Variants in TMEM260 observed in about 807,000 individuals in gnomAD.
TMEM260 encodes the protein transmembrane protein 260, also known as protein O-mannosyl-transferase TMEM260.
In TMEM260, 82 loss-of-function variants were observed where a neutral mutation model predicts 88.9. That is an observed-to-expected ratio of 0.92 (90% CI 0.77 to 1.11). TMEM260 has a LOEUF of 1.11. Among genes scored for constraint, TMEM260 ranks in the 50% least tolerant of loss-of-function variants. TMEM260 has a pLI of 0.00. For missense variants in TMEM260, 902 were observed against 853.4 expected (o/e 1.06, Z -0.71); for synonymous variants, 314 against 309.3 (o/e 1.02, Z -0.16).
At chr14:56,607,720 A>ATG (rs1887001435) in intron 5 of TMEM260, among the ~76,000 whole-genome samples, 1 of 152,140 alleles carries the variant, frequency 6.6e-6, no homozygotes, top group Admixed American at 6.5e-5. Flanking sequence ...GTGTATATAT[A>ATG]TATGTATTTA....
At chr14:56,622,483 C>T (rs1887994737) in intron 11 of TMEM260, among the ~76,000 whole-genome samples, 1 of 151,780 alleles carries the variant, frequency 6.6e-6, no homozygotes, top group African/African-American at 2.4e-5. Context: ...GTAAACATTT[C>T]ACTCAAAATA....
intron 8 of TMEM260, among the ~76,000 whole-genome samples, chr14:56,616,512 C>T (rs556050857): frequency 1.1e-4 from 17 of 151,908 alleles, no homozygotes; most frequent in Non-Finnish European, 2.2e-4. Flanking sequence ...ACATTGTGAA[C>T]ATTTTCTCAT....
chr14:56,633,531 TC>T (rs1888787864), intron 13 of TMEM260: 1 of 160,018 alleles, frequency 6.2e-6, no homozygotes, highest in Admixed American at 6.1e-5. Context: ...TAAAAGGCAT[TC>T]TGTTGTTTAT....
intron 15 of TMEM260, among the ~76,000 whole-genome samples, chr14:56,644,553 A>G (rs1302039396): frequency 6.6e-6 from 1 of 152,234 alleles, no homozygotes; most frequent in African/African-American, 2.4e-5. Context: ...TAAAAACCCT[A>G]GAAAAACCTA....
At chr14:56,617,156 T>G in intron 8 of TMEM260, 27 bp from the exon 9 acceptor site, 1 of 1,327,160 alleles carries the variant, frequency 7.5e-7, no homozygotes, top group South Asian at 1.4e-5. Flanking sequence ...CTAAATATTT[T>G]AGACATATTT....
chr14:56,623,968 A>G (rs552221509), intron 11 of TMEM260, among the ~76,000 whole-genome samples: 2 of 152,336 alleles, frequency 1.3e-5, no homozygotes, highest in Admixed American at 6.5e-5. Context: ...AGAGTTAAGT[A>G]TGTGTTAAGT....
intron 3 of TMEM260, among the ~76,000 whole-genome samples, chr14:56,599,322 A>ATTTTT (rs1886427961): frequency 6.6e-6 from 1 of 152,156 alleles, no homozygotes; most frequent in African/African-American, 2.4e-5. Context: ...ATTTTATTTT[A>ATTTTT]TTATTATAAT....
chr14:56,639,300 A>C (rs1424896988), intron 15 of TMEM260, among the ~76,000 whole-genome samples: 1 of 141,190 alleles, frequency 7.1e-6, no homozygotes, highest in East Asian at 1.9e-4. Context: ...AAAAATAACT[A>C]AAAGAGTATA....
At chr14:56,607,398 T>TA (rs1163070165) in intron 5 of TMEM260, among the ~76,000 whole-genome samples, 1 of 152,168 alleles carries the variant, frequency 6.6e-6, no homozygotes, top group African/African-American at 2.4e-5. Flanking sequence ...TGTACTGAGG[T>TA]AAGCTACCAG....
Position 56,625,394 on chromosome 14 carries a change from G to T in TMEM260, c.1411G>T (p.Glu471Ter), listed in dbSNP as rs113277637. 3 of 1,613,116 alleles carry T rather than the reference G, an allele frequency of 1.9e-6. No homozygotes were observed. In the South Asian group the frequency reaches 3.3e-5, roughly 18 times the overall value. The change falls in exon 12 of 16, where the codon GAG becomes TAG. Residue 471 changes from glutamate to a stop codon, truncating the protein, a stop_gained. Coordinates refer to ENST00000261556, the MANE Select transcript of TMEM260 (RefSeq NM_017799.4). LOFTEE classifies it high-confidence loss of function. Reference protein sequence around the residue: ...SLVDQEMMTYEWYLPKMAKHL... With the variant: ...SLVDQEMMTY The stretch of plus-strand genomic sequence containing the variant: ...ACTTTTCTGGCAGATGATGACTTAC[G>T]AGTGGTATTTACCCAAGATGGCAAA...
At chr14:56,620,724 C>G (rs755338987) in intron 10 of TMEM260, among the ~76,000 whole-genome samples, 7 of 152,108 alleles carry the variant, frequency 4.6e-5, no homozygotes, top group African/African-American at 1.4e-4. Flanking sequence ...TTTTGTGATA[C>G]CCCAGATATT....
intron 9 of TMEM260, among the ~76,000 whole-genome samples, chr14:56,618,244 C>T (rs1380573280): frequency 4.6e-5 from 7 of 152,162 alleles, no homozygotes; most frequent in African/African-American, 1.4e-4. Flanking sequence ...AGAGACAGGC[C>T]AGGACAGTGG....
chr14:56,616,098 G>T, intron 8 of TMEM260, 71 bp downstream of exon 8: 3 of 1,129,702 alleles, frequency 2.7e-6, no homozygotes, highest in Non-Finnish European at 4.0e-6. Flanking sequence ...TCAGTATGTC[G>T]CTGTAGGACA....
intron 14 of TMEM260, among the ~76,000 whole-genome samples, chr14:56,635,488 A>G (rs1267732109): frequency 7.0e-6 from 1 of 143,766 alleles, no homozygotes; most frequent in Non-Finnish European, 1.5e-5. Flanking sequence ...AGATTGAAAT[A>G]TTAATCTGAT....
intron 12 of TMEM260, among the ~76,000 whole-genome samples, chr14:56,630,933 T>C (rs1380347890): frequency 1.3e-5 from 2 of 152,150 alleles, no homozygotes; most frequent in Non-Finnish European, 2.9e-5. Context: ...TTTGCAGTGC[T>C]ATTTGGATTA....
intron 6 of TMEM260, among the ~76,000 whole-genome samples, chr14:56,610,534 G>A (rs921918003): frequency 1.3e-5 from 2 of 152,090 alleles, no homozygotes; most frequent in South Asian, 2.1e-4. Flanking sequence ...GAGCCACCGC[G>A]CCCGGCCAGT....
chr14:56,585,260 A>C (rs1010463884), intron 2 of TMEM260, among the ~76,000 whole-genome samples: 1 of 152,130 alleles, frequency 6.6e-6, no homozygotes, highest in Non-Finnish European at 1.5e-5. Context: ...TTATCACCCC[A>C]AATTTTGTAT....
At chr14:56,626,117 A>G (rs1331185249) in intron 12 of TMEM260, among the ~76,000 whole-genome samples, 1 of 152,176 alleles carries the variant, frequency 6.6e-6, no homozygotes, top group East Asian at 1.9e-4. Context: ...AGTGCTTGAG[A>G]TTGTCCAGAG....
At chr14:56,659,419 C>T in the TMEM260 span, among the ~76,000 whole-genome samples, 2 of 152,150 alleles carry the variant, frequency 1.3e-5, no homozygotes, top group African/African-American at 4.8e-5. Flanking sequence ...GACACAATCC[C>T]TAAGGCCAAA....
Sources: allele counts gnomAD v4.1 joint callset (sites outside exome capture counted in the v4.1 genomes callset), GRCh38; gene constraint gnomAD v4.1.1; transcripts MANE v1.5; gene names NCBI Gene and HGNC (gene_info 2026-07-23, HGNC 2026-07-21).